The following MPP7 variants were observed in gnomAD, a reference collection of about 807,000 sequenced individuals.
The protein encoded by MPP7 is MAGUK p55 subfamily member 7.
MPP7 carries 60 observed loss-of-function variants against 76.5 expected under a neutral mutation model. The observed-to-expected ratio is 0.78, with a 90% confidence interval of 0.64 to 0.97. The LOEUF is 0.97. Ranked by LOEUF, MPP7 falls within the 50% of genes least tolerant of loss-of-function variation. MPP7 has a pLI of 0.00. For synonymous variants in MPP7, 237 were observed against 244.5 expected (o/e 0.97, Z 0.29); for missense variants, 641 against 694.0 (o/e 0.92, Z 0.86).
intron 1 of MPP7, among the ~76,000 whole-genome samples, chr10:28,270,027 C>A (rs1465790473): frequency 6.6e-6 from 1 of 152,166 alleles, no homozygotes; most frequent in East Asian, 1.9e-4. Context: ...GTCCCAGAAT[C>A]CCCTAGGCCT....
chr10:28,182,103 A>C (rs958727248), intron 3 of MPP7, among the ~76,000 whole-genome samples: 3 of 152,156 alleles, frequency 2.0e-5, no homozygotes, highest in Non-Finnish European at 2.9e-5. Context: ...GATAATTTAC[A>C]ATACATATAA....
At chr10:28,115,067 A>AG (rs1470976553) in intron 11 of MPP7, among the ~76,000 whole-genome samples, 4 of 137,500 alleles carry the variant, frequency 2.9e-5, no homozygotes, top group African/African-American at 1.2e-4. Context: ...AAAATACGTT[A>AG]GGTTTTTTGT....
chr10:28,245,237 A>G (rs1379163415), intron 1 of MPP7, among the ~76,000 whole-genome samples: 6 of 152,226 alleles, frequency 3.9e-5, no homozygotes. Flanking sequence ...TCTCAATTTC[A>G]GATTCATCTC....
intron 1 of MPP7, among the ~76,000 whole-genome samples, chr10:28,272,210 C>A (rs1840348239): frequency 6.6e-6 from 1 of 152,124 alleles, no homozygotes; most frequent in African/African-American, 2.4e-5. Flanking sequence ...TTCAGCCAAA[C>A]TAAAATGCAC....
intron 3 of MPP7, among the ~76,000 whole-genome samples, chr10:28,169,479 G>A (rs1424811621): frequency 6.6e-6 from 1 of 151,788 alleles, no homozygotes; most frequent in Non-Finnish European, 1.5e-5. Context: ...TTGTACCATT[G>A]TATTCCAGCC....
intron 2 of MPP7, among the ~76,000 whole-genome samples, chr10:28,321,586 T>G (rs542970713): frequency 6.6e-6 from 1 of 152,040 alleles, no homozygotes; most frequent in Non-Finnish European, 1.5e-5. Flanking sequence ...TAATAGAAAT[T>G]TTTTTGTTTT....
chr10:28,064,641 G>GT (rs757688884), intron 13 of MPP7, among the ~76,000 whole-genome samples: 4 of 152,182 alleles, frequency 2.6e-5, no homozygotes, highest in Non-Finnish European at 5.9e-5. Context: ...TACGGAAAAT[G>GT]TAACTTAATA....
intron 1 of MPP7, among the ~76,000 whole-genome samples, chr10:28,297,842 C>A (rs1841069909): frequency 6.6e-6 from 1 of 152,232 alleles, no homozygotes; most frequent in Admixed American, 6.5e-5. Flanking sequence ...GCTTTATTAA[C>A]CAAGTTTACA....
At chr10:28,231,585 G>A (rs972046843) in intron 2 of MPP7, among the ~76,000 whole-genome samples, 4 of 148,506 alleles carry the variant, frequency 2.7e-5, no homozygotes, top group Admixed American at 2.0e-4. Flanking sequence ...CTACAGGTAC[G>A]AAGTAATAAT....
At chr10:28,108,583 G>C (rs1834399452) in intron 11 of MPP7, among the ~76,000 whole-genome samples, 1 of 152,000 alleles carries the variant, frequency 6.6e-6, no homozygotes, top group Non-Finnish European at 1.5e-5. Context: ...TTTGAGCCTG[G>C]GAGGCGGAGG....
At chr10:28,264,995 G>A (rs889700085) in intron 1 of MPP7, among the ~76,000 whole-genome samples, 1 of 152,150 alleles carries the variant, frequency 6.6e-6, no homozygotes, top group African/African-American at 2.4e-5. Flanking sequence ...CATTAGTGGA[G>A]ATTATAGGGT....
chr10:28,231,457 T>G (rs1356030151), intron 2 of MPP7, among the ~76,000 whole-genome samples: 4 of 151,538 alleles, frequency 2.6e-5, no homozygotes, highest in Non-Finnish European at 4.4e-5. Context: ...GCCATAAGTT[T>G]TATATCTAAA....
chr10:28,212,999 C>T (rs1288300143), intron 2 of MPP7, among the ~76,000 whole-genome samples: 2 of 152,034 alleles, frequency 1.3e-5, no homozygotes, highest in Non-Finnish European at 2.9e-5. Flanking sequence ...TAGTGCAGTG[C>T]CATGATCAGA....
rs975625873 is a variant in MPP7 at position 28,294,913 on chromosome 10, G to A, written c.-132+7948C>T. 2.6e-5 allele frequency among the ~76,000 whole-genome samples: 4 copies of A among 152,304 alleles called. No homozygotes were observed. In the East Asian group the frequency reaches 7.7e-4, roughly 29 times the overall value. ...AAAGTCAAAGTACTAGAAAGCAGCA[G>A]AGCAGAGATTCAAACCCAGGTCTTT... On this transcript the variant is annotated intron_variant, in intron 1 of 16. Coordinates refer to ENST00000683449, the MANE Select transcript of MPP7 (RefSeq NM_001318170.2).
chr10:28,212,620 A>G (rs1256518672), intron 2 of MPP7, among the ~76,000 whole-genome samples: 2 of 152,186 alleles, frequency 1.3e-5, no homozygotes, highest in African/African-American at 2.4e-5. Context: ...GTGTAGACAC[A>G]GAAGAGAAGA....
At chr10:28,189,718 AC>A (rs1346556060) in intron 3 of MPP7, among the ~76,000 whole-genome samples, 1 of 152,084 alleles carries the variant, frequency 6.6e-6, no homozygotes, top group African/African-American at 2.4e-5. Context: ...AAAATGGTCA[AC>A]TAAAAGCAGA....
At chr10:28,278,352 C>T (rs975237000) in intron 1 of MPP7, among the ~76,000 whole-genome samples, 9 of 152,068 alleles carry the variant, frequency 5.9e-5, no homozygotes, top group Non-Finnish European at 1.3e-4. Flanking sequence ...TGCTAAATTG[C>T]ATATGGAAGT....
chr10:28,178,595 G>A (rs1403297241), intron 3 of MPP7, among the ~76,000 whole-genome samples: 2 of 152,002 alleles, frequency 1.3e-5, no homozygotes, highest in African/African-American at 4.8e-5. Context: ...AGACCACCTG[G>A]GTTCAAGACC....
chr10:28,207,679 G>A (rs1412395831), intron 2 of MPP7, among the ~76,000 whole-genome samples: 1 of 150,770 alleles, frequency 6.6e-6, no homozygotes, highest in Non-Finnish European at 1.5e-5. Flanking sequence ...GCATCAGAGT[G>A]AGACCCCATC....
Sources: allele counts gnomAD v4.1 joint callset (sites outside exome capture counted in the v4.1 genomes callset), GRCh38; gene constraint gnomAD v4.1.1; transcripts MANE v1.5; gene names NCBI Gene and HGNC (gene_info 2026-07-23, HGNC 2026-07-21).